The following JAG2 variants were observed in gnomAD, a reference collection of about 807,000 sequenced individuals.
The protein encoded by JAG2 is jagged canonical Notch ligand 2.
A neutral mutation model predicts 141.7 loss-of-function variants in JAG2; 46 were observed. The observed-to-expected ratio is 0.32, with a 90% CI of 0.26 to 0.42. The LOEUF (loss-of-function observed/expected upper bound fraction) is 0.42, where lower values mean the gene tolerates loss of function less well. Among genes scored for constraint, JAG2 ranks in the 10% least tolerant of loss-of-function variants. The probability of loss-of-function intolerance (pLI) is 1.00; values close to 1 mark genes in which losing one functional copy is unlikely to be tolerated. For missense variants in JAG2, 1,500 were observed against 1,817.5 expected, an observed-to-expected ratio of 0.83 and a Z score of 3.18; for synonymous variants, 862 against 763.5, an observed-to-expected ratio of 1.13 and a Z score of -2.13.
intron 18 of JAG2, 48 bp from the exon 19 acceptor site, chr14:105,147,575 C>G: frequency 6.3e-7 from 1 of 1,582,130 alleles, no homozygotes; most frequent in African/African-American, 1.3e-5. Context: ...ACCCCCCAAG[C>G]GTGCCAGGCA....
chr14:105,157,790 T>C, intron 2 of JAG2, 27 bp from the exon 3 acceptor site: 1 of 1,553,858 alleles, frequency 6.4e-7, no homozygotes, highest in Non-Finnish European at 8.7e-7. Context: ...GCGGGTCAGG[T>C]ACCTGAGGCC....
At chr14:105,164,975 C>T (rs1298396442) in intron 2 of JAG2, among the ~76,000 whole-genome samples, 1 of 152,186 alleles carries the variant, frequency 6.6e-6, no homozygotes, top group Non-Finnish European at 1.5e-5. Flanking sequence ...CCGTTCTCCT[C>T]ATAAGCCCAG....
At chr14:105,145,667 G>A (rs1006851652) in intron 23 of JAG2, 64 bp downstream of exon 23, 28 of 1,544,542 alleles carry the variant, frequency 1.8e-5, no homozygotes, top group Admixed American at 3.9e-5. Flanking sequence ...CTAGGCTTTC[G>A]CCATGCCACG....
Position 105,167,518 on chromosome 14 carries a change from C to G in JAG2, c.417+239G>C, listed in dbSNP as rs1324775485. 6.7e-6 allele frequency among the ~76,000 whole-genome samples: 1 copy of G among 148,370 alleles called. No individual in the cohort carries two copies. Among genetic ancestry groups the G allele is most frequent in the Non-Finnish European group, 1.5e-5 (1 of 66,588 alleles). The stretch of plus-strand genomic sequence containing the variant: ...GCCGCACACCGCCGCGCACGCGGGA[C>G]GCCGCCGCCCCGCCCCCGCCGCGAC... On this transcript the variant is annotated intron_variant, in intron 2 of 25. Coordinates refer to ENST00000331782, the MANE Select transcript of JAG2 (RefSeq NM_002226.5). The surrounding 1 kb of genome is among the most constrained non-coding windows in gnomAD (Gnocchi z 4.8).
In JAG2 at chr14:105,141,499, C is replaced by T. The variant is rs967377133; in HGVS notation, c.*1196G>A. On this transcript the variant is annotated 3_prime_UTR_variant, in exon 26 of 26. Coordinates refer to ENST00000331782, the MANE Select transcript of JAG2 (RefSeq NM_002226.5). ...GTGCCAGGCACCTAGACACCCCCCT[C>T]CCCATTCCCAGGAAGGTTTTGGCCA... is the stretch of plus-strand genomic sequence containing the variant. 6.6e-6 allele frequency: 1 copy of T among 152,244 alleles called. No homozygotes were observed. The highest frequency in any genetic ancestry group is 1.5e-5 in the Non-Finnish European group (1 of 68,052). The allele number at this position is 152,244 out of a possible 1,614,324, so 9.4% of individuals were successfully genotyped here.
chr14:105,157,062 A>T (rs931050670), intron 3 of JAG2, among the ~76,000 whole-genome samples: 1 of 152,010 alleles, frequency 6.6e-6, no homozygotes, highest in Non-Finnish European at 1.5e-5. Context: ...CCCCTGGTCC[A>T]AGTCACCCTG....
rs1450162712 is a variant in JAG2, at chr14:105,154,988, C to T, written c.788+574G>A. Among the ~76,000 whole-genome samples, 1 of 143,046 alleles carries T rather than the reference C, an allele frequency of 7.0e-6. No individual in the cohort carries two copies. The highest frequency in any genetic ancestry group is 2.6e-5 in the African/African-American group (1 of 37,966). 93.8% of individuals were successfully genotyped at this position (143,046 alleles called of 152,430 possible). A position where few individuals can be genotyped will look rare whatever the true frequency, so the allele number is the denominator to read the frequency against. ...CCTTCCACTGACCCCCTCCCCATCC[C>T]GCTGGCCCCTCCCCCACCACCCCCA... On this transcript the variant is annotated intron_variant, in intron 5 of 25. Transcript: ENST00000331782. This position sits in a 1 kb window ranked among gnomAD's most constrained non-coding sequence, Gnocchi z 4.4.
intron 3 of JAG2, among the ~76,000 whole-genome samples, 188 bp downstream of exon 3, chr14:105,157,518 G>C (rs1353565122): frequency 2.6e-5 from 4 of 152,222 alleles, no homozygotes; most frequent in Non-Finnish European, 5.9e-5. Context: ...CTGGGGAAGA[G>C]AGTGCATGCA....
At chr14:105,151,490 G>T in intron 8 of JAG2, 94 bp from the exon 9 acceptor site, 1 of 1,385,212 alleles carries the variant, frequency 7.2e-7, no homozygotes, top group East Asian at 2.4e-5. Context: ...GGGTCTTCCT[G>T]CCATTTGTCC....
At chr14:105,152,595 C>T (rs947594448) in intron 5 of JAG2, among the ~76,000 whole-genome samples, 6 of 152,146 alleles carry the variant, frequency 3.9e-5, no homozygotes, top group African/African-American at 7.2e-5. Flanking sequence ...AAGGCCCTGC[C>T]GGGACCCCGG....
rs1402519808 is a variant in JAG2, at chr14:105,148,501, G to T, written c.2021-62C>A. 6 of 1,266,364 alleles carry T rather than the reference G, an allele frequency of 4.7e-6. No homozygotes were observed. The East Asian group carries it at 1.2e-4, about 25-fold the overall frequency. 78.4% of individuals were successfully genotyped at this position (1,266,364 alleles called of 1,614,324 possible). A position where few individuals can be genotyped will look rare whatever the true frequency, so the allele number is the denominator to read the frequency against. Reference sequence around the variant, plus strand: ...ACCGGCGCTCAGGGAGGGCTTCCCGGGGGAGGAAGCACTGGAGCTGGGCCA... The same window carrying T: ...ACCGGCGCTCAGGGAGGGCTTCCCGTGGGAGGAAGCACTGGAGCTGGGCCA... On this transcript the variant is annotated intron_variant, in intron 15 of 25. Transcript: ENST00000331782.
chr14:105,146,306 C>A, intron 22 of JAG2, 79 bp downstream of exon 22: 1 of 1,272,958 alleles, frequency 7.9e-7, no homozygotes, highest in African/African-American at 1.5e-5. Flanking sequence ...CCAGCACCCG[C>A]CTCCTGATCT....
In JAG2 at chr14:105,145,722, G is replaced by A. The variant is rs1346710940; in HGVS notation, c.2952+9C>T. The A allele has an allele frequency of 6.3e-7, 1 of 1,589,066 alleles. No homozygotes were observed. Among genetic ancestry groups the A allele is most frequent in the Admixed American group, 1.8e-5 (1 of 57,142 alleles). ...CCTCTGCAAGCTCAGATGCCACCAG[G>A]CCCCTCACCTGGGGCACGTGGTCAC... On this transcript the variant is annotated intron_variant, in intron 23 of 25. Transcript: ENST00000331782.
At position 105,155,632 on chromosome 14, in the gene JAG2, G is replaced by A. The variant is rs780817692; in HGVS notation, c.728-10C>T. The A allele has an allele frequency of 4.1e-5, 66 of 1,612,560 alleles. No individual in the cohort carries two copies. Among genetic ancestry groups the A allele is most frequent in the Middle Eastern group, 1.6e-4 (1 of 6,084 alleles). ...CCTTGTTTACACACAGCTGCGAACA[G>A]AGAGGAGCGAGAGGCACAGCTGCAG... On this transcript the variant is annotated splice_polypyrimidine_tract_variant and intron_variant, in intron 4 of 25. Transcript: ENST00000331782.
Position 105,150,618 on chromosome 14 carries a change from C to G in JAG2, c.1588G>C (p.Gly530Arg). The change falls in exon 12 of 26, where the codon GGG becomes CGG. Residue 530 changes from glycine (G) to arginine (R), a missense_variant. Physicochemically the swap from Gly to Arg is moderately radical, Grantham distance 125. Around this residue, in one of 3 missense-constraint regions of JAG2, gnomAD observed 875 missense variants for 1,202.2 expected, o/e 0.73. Transcript: ENST00000331782. The stretch of plus-strand genomic sequence containing the variant: ...GCAGACCTCACCTCACAGAGAGGCC[C>G]GGAGAAGCCCTGGGGGCAGTGGCAG... Reference protein sequence around the residue: ...FHCHCPQGFSGPLCEVDVDLC... With the variant: ...FHCHCPQGFSRPLCEVDVDLC... 1 of 1,548,816 alleles carries G rather than the reference C, an allele frequency of 6.5e-7. No individual in the cohort carries two copies.
At chr14:105,145,680 C>A in intron 23 of JAG2, 51 bp downstream of exon 23, 1 of 1,557,206 alleles carries the variant, frequency 6.4e-7, no homozygotes. Flanking sequence ...ATGCCACGAG[C>A]AGATGCCGGC....
Position 105,167,851 on chromosome 14 carries a change from G to C in JAG2, c.323C>G (p.Ala108Gly). 6.5e-7 allele frequency: 1 copy of C among 1,529,576 alleles called. No individual in the cohort carries two copies. The highest frequency in any genetic ancestry group is 8.7e-7 in the Non-Finnish European group (1 of 1,147,468). 94.8% of individuals were successfully genotyped at this position (1,529,576 alleles called of 1,614,324 possible). Residue 108 changes from alanine (A) to glycine (G), a missense_variant, in exon 2 of 26, where the codon GCG becomes GGG. This residue lies in a region of JAG2 where 200 missense variants were observed against 174.3 expected (regional missense o/e 1.15). Coordinates refer to ENST00000331782, the MANE Select transcript of JAG2 (RefSeq NM_002226.5). This position sits in a 1 kb window ranked among gnomAD's most constrained non-coding sequence, Gnocchi z 4.8. ...CCGCGCTCGGTCCCCCGCAGCGCCC[G>C]CCGGCGGCAGGTAGAAGGAGTTGCC... Reference protein sequence around the residue: ...LGGNSFYLPPAGAAGDRARAR... With the variant: ...LGGNSFYLPPGGAAGDRARAR...
intron 3 of JAG2, among the ~76,000 whole-genome samples, chr14:105,157,383 A>G (rs140378183): frequency 6.6e-6 from 1 of 152,050 alleles, no homozygotes; most frequent in African/African-American, 2.4e-5. Flanking sequence ...TCCATGCTCC[A>G]GTACAGACAA....
At position 105,145,921 on chromosome 14, in the gene JAG2, C is replaced by T. The variant is rs1237491267; in HGVS notation, c.2762G>A (p.Ser921Asn). 6.3e-7 allele frequency: 1 copy of T among 1,575,070 alleles called. No individual in the cohort carries two copies. Among genetic ancestry groups the T allele is most frequent in the African/African-American group, 1.4e-5 (1 of 74,036 alleles). The change falls in exon 23 of 26, where the codon AGC becomes AAC. Residue 921 changes from serine (S) to asparagine (N), a missense_variant. This residue lies in a region of JAG2 where 875 missense variants were observed against 1,202.2 expected (regional missense o/e 0.73). Coordinates refer to ENST00000331782, the MANE Select transcript of JAG2 (RefSeq NM_002226.5). ...CLLAGQPEAL[S>N]AQCPLGQRCL... Reference sequence around the variant, plus strand: ...CCTTTGCCCCAGTGGGCACTGGGCGCTCAGGGCCTCGGGCTGGCCGGCCAG... The same window carrying T: ...CCTTTGCCCCAGTGGGCACTGGGCGTTCAGGGCCTCGGGCTGGCCGGCCAG...
Sources: allele counts gnomAD v4.1 joint callset (sites outside exome capture counted in the v4.1 genomes callset), GRCh38; gene constraint gnomAD v4.1.1; regional missense constraint gnomAD v4.1.1; non-coding constraint Gnocchi (gnomAD v3.1); transcripts MANE v1.5; gene names NCBI Gene and HGNC (gene_info 2026-07-23, HGNC 2026-07-21).